The following CDH8 variants were observed in gnomAD, a reference collection of about 807,000 sequenced individuals.
CDH8 encodes cadherin 8, also known as cadherin-8.
CDH8 carries 17 observed loss-of-function variants against 68.1 expected under a neutral mutation model. The ratio of observed to expected loss-of-function variants is 0.25; its 90% CI spans 0.17 to 0.37. CDH8 has a LOEUF of 0.37. Among genes scored for constraint, CDH8 ranks in the 10% least tolerant of loss-of-function variants. The pLI is 1.00. For synonymous variants in CDH8, 372 were observed against 365.1 expected (o/e 1.02, Z -0.21); for missense variants, 763 against 999.3 (o/e 0.76, Z 3.19).
chr16:61,892,051 T>C (rs1001498561), intron 3 of CDH8, among the ~76,000 whole-genome samples: 1 of 152,170 alleles, frequency 6.6e-6, no homozygotes, highest in Non-Finnish European at 1.5e-5. Flanking sequence ...GTTCCTTTAA[T>C]AATAAAAAAT....
At chr16:61,834,773 C>A (rs1962531574) in intron 4 of CDH8, among the ~76,000 whole-genome samples, 1 of 151,846 alleles carries the variant, frequency 6.6e-6, no homozygotes. Flanking sequence ...TTATGACATG[C>A]AAATTCTCCT....
chr16:61,816,614 C>G (rs766116010), intron 7 of CDH8, among the ~76,000 whole-genome samples: 6 of 152,132 alleles, frequency 3.9e-5, no homozygotes, highest in Non-Finnish European at 8.8e-5. Context: ...AATCCACACT[C>G]AAAACACATC....
At chr16:61,843,116 A>G (rs1437536279) in intron 4 of CDH8, among the ~76,000 whole-genome samples, 1 of 151,706 alleles carries the variant, frequency 6.6e-6, no homozygotes, top group Non-Finnish European at 1.5e-5. Context: ...CCTATACTTT[A>G]TACTTCAGGG....
At chr16:61,827,271 C>T (rs1269012161) in intron 4 of CDH8, among the ~76,000 whole-genome samples, 2 of 151,890 alleles carry the variant, frequency 1.3e-5, no homozygotes, top group Non-Finnish European at 2.9e-5. Flanking sequence ...CCACCACATT[C>T]TAAGGTCATC....
chr16:61,855,136 G>A (rs1963018780), intron 4 of CDH8, among the ~76,000 whole-genome samples: 1 of 151,960 alleles, frequency 6.6e-6, no homozygotes, highest in African/African-American at 2.4e-5. Flanking sequence ...CACTATCCAC[G>A]ATAATGCCAA....
rs1056065480 is a variant in CDH8, at chr16:61,652,652, A to G, written c.*956T>C. 2 of 1,129,048 alleles carry G rather than the reference A, an allele frequency of 1.8e-6. No individual in the cohort carries two copies. The highest frequency in any genetic ancestry group is 3.2e-5 in the African/African-American group (2 of 62,412). The allele number at this position is 1,129,048 out of a possible 1,614,324, so 69.9% of individuals were successfully genotyped here. A position where few individuals can be genotyped will look rare whatever the true frequency, so the allele number is the denominator to read the frequency against. ...ATTGTATATATATTTATATAAAACA[A>G]TCTAAAGGATTATTAATGGATATAA... On this transcript the variant is annotated 3_prime_UTR_variant, in exon 12 of 12. Transcript: ENST00000577390.
intron 8 of CDH8, among the ~76,000 whole-genome samples, chr16:61,741,752 T>C (rs1405446519): frequency 6.6e-6 from 1 of 152,174 alleles, no homozygotes; most frequent in East Asian, 1.9e-4. Context: ...AAGAACTCTA[T>C]CTTATAATAA....
intron 9 of CDH8, 60 bp downstream of exon 9, chr16:61,727,034 G>C (rs1261575242): frequency 6.4e-7 from 1 of 1,567,024 alleles, no homozygotes; most frequent in African/African-American, 1.4e-5. Context: ...ATGCAGGTTA[G>C]TCAAATATGA....
chr16:61,680,163 T>C (rs1209983048), intron 10 of CDH8, among the ~76,000 whole-genome samples: 1 of 151,974 alleles, frequency 6.6e-6, no homozygotes, highest in Non-Finnish European at 1.5e-5. Flanking sequence ...AGATCTGTTT[T>C]AAACTTGGGC....
intron 9 of CDH8, among the ~76,000 whole-genome samples, chr16:61,715,482 T>G (rs1964711443): frequency 6.6e-6 from 1 of 151,666 alleles, no homozygotes; most frequent in South Asian, 2.1e-4. Flanking sequence ...ATTATGGATT[T>G]AAATTCATAT....
chr16:62,007,894 T>A (rs1338418751), intron 2 of CDH8, among the ~76,000 whole-genome samples: 1 of 152,140 alleles, frequency 6.6e-6, no homozygotes, highest in African/African-American at 2.4e-5. Context: ...TGTGAAAATC[T>A]CTTACTTTCT....
chr16:61,781,844 C>T (rs1407901428), intron 8 of CDH8, among the ~76,000 whole-genome samples: 2 of 152,156 alleles, frequency 1.3e-5, no homozygotes, highest in Admixed American at 1.3e-4. Context: ...TTCTAACAAA[C>T]CAAAATCACC....
intron 10 of CDH8, among the ~76,000 whole-genome samples, chr16:61,689,469 A>G (rs745622917): frequency 6.6e-6 from 1 of 152,002 alleles, no homozygotes; most frequent in Non-Finnish European, 1.5e-5. Flanking sequence ...ACACCCAGGC[A>G]CATACAGACT....
At chr16:61,884,607 C>A (rs1467355057) in intron 3 of CDH8, among the ~76,000 whole-genome samples, 1 of 152,068 alleles carries the variant, frequency 6.6e-6, no homozygotes, top group Non-Finnish European at 1.5e-5. Flanking sequence ...CTCCTGACCT[C>A]AGGTGATCCG....
chr16:61,756,651 TA>T (rs1297631313), intron 8 of CDH8, among the ~76,000 whole-genome samples: 2 of 152,180 alleles, frequency 1.3e-5, no homozygotes, highest in African/African-American at 4.8e-5. Context: ...ATAGAGAACA[TA>T]TTTTTTTGTC....
chr16:61,842,154 G>A (rs543710738), intron 4 of CDH8, among the ~76,000 whole-genome samples: 32 of 150,470 alleles, frequency 2.1e-4, no homozygotes, highest in Middle Eastern at 3.4e-3. Context: ...TGATCCGCCC[G>A]CCTGGGCCTC....
intron 7 of CDH8, among the ~76,000 whole-genome samples, chr16:61,798,466 T>A (rs1961547194): frequency 6.6e-6 from 1 of 152,230 alleles, no homozygotes. Context: ...TGTGGCTATT[T>A]CACCCTAGCT....
chr16:61,773,698 A>G (rs1320076959), intron 8 of CDH8, among the ~76,000 whole-genome samples: 1 of 152,084 alleles, frequency 6.6e-6, no homozygotes, highest in East Asian at 1.9e-4. Context: ...GATGCTGTTC[A>G]AAGGATATTA....
At chr16:61,701,118 T>C (rs1186133092) in intron 10 of CDH8, among the ~76,000 whole-genome samples, 2 of 152,218 alleles carry the variant, frequency 1.3e-5, no homozygotes, top group East Asian at 1.9e-4. Flanking sequence ...AGACAATGCG[T>C]TGACCTGTTG....
Sources: gnomAD v4.1 joint callset for allele counts (sites outside exome capture counted in the v4.1 genomes callset) on GRCh38, gnomAD v4.1.1 for gene constraint, MANE v1.5 for transcripts, NCBI Gene and HGNC (gene_info 2026-07-23, HGNC 2026-07-21) for gene names.